EML1: variants seen among roughly 807,000 people sequenced by gnomAD.
EML1 encodes EMAP like 1.
EML1 carries 27 observed loss-of-function variants against 110.4 expected under a neutral mutation model. That is an observed-to-expected ratio of 0.24 (90% confidence interval 0.18 to 0.34). The LOEUF is 0.34. Among genes scored for constraint, EML1 ranks in the 10% least tolerant of loss-of-function variants. The pLI, the probability that EML1 is intolerant of heterozygous loss-of-function variation, is 1.00. For synonymous variants in EML1, 344 were observed against 385.8 expected, an observed-to-expected ratio of 0.89 and a Z score of 1.27; for missense variants, 741 against 1,030.9, an observed-to-expected ratio of 0.72 and a Z score of 3.85.
chr14:99,881,962 G>A (rs533416773), intron 4 of EML1, among the ~76,000 whole-genome samples: 2 of 152,230 alleles, frequency 1.3e-5, no homozygotes, highest in East Asian at 1.9e-4. Context: ...CTTTACAAAT[G>A]GTCACTGGAT....
rs1419055795 is a variant in EML1 at position 99,857,877 on chromosome 14, C to T, written c.250+6842C>T. Among the ~76,000 whole-genome samples the T allele has an allele frequency of 1.3e-5, 2 of 152,106 alleles. 1 individual carries two copies. Among genetic ancestry groups the T allele is most frequent in the Non-Finnish European group, 2.9e-5 (2 of 68,008 alleles). On this transcript the variant is annotated intron_variant, in intron 2 of 21. Coordinates refer to ENST00000262233, the MANE Select transcript of EML1 (RefSeq NM_004434.3). ...ATCAGTTCATTAATGTCTTTTTCCC[C>T]ATTTATATTTCTATTATATTGAATT...
chr14:99,846,184 T>C (rs1231406318), intron 1 of EML1, among the ~76,000 whole-genome samples: 1 of 152,078 alleles, frequency 6.6e-6, no homozygotes, highest in Non-Finnish European at 1.5e-5. Flanking sequence ...CCACTTATTA[T>C]TATCTAAATA....
chr14:99,838,430 G>A (rs2058574798), intron 1 of EML1, among the ~76,000 whole-genome samples: 1 of 152,224 alleles, frequency 6.6e-6, no homozygotes, highest in African/African-American at 2.4e-5. Context: ...TGTGACAGAT[G>A]TAACAAGTGA....
At chr14:99,790,330 C>T (rs1406317407), upstream of EML1, among the ~76,000 whole-genome samples, 3 of 151,984 alleles carry the variant, frequency 2.0e-5, no homozygotes, top group Non-Finnish European at 1.5e-5. Flanking sequence ...TTTTTAAGAT[C>T]GGGTCTCACT....
intron 2 of EML1, among the ~76,000 whole-genome samples, chr14:99,854,536 C>A (rs558462676): frequency 6.6e-6 from 1 of 152,268 alleles, no homozygotes; most frequent in African/African-American, 2.4e-5. Context: ...ACCAGTTACC[C>A]AGGTCTTCTT....
At chr14:99,754,987 C>A (rs11625037) in intron 1 of EML1, among the ~76,000 whole-genome samples, 1 of 152,184 alleles carries the variant, frequency 6.6e-6, no homozygotes, top group Non-Finnish European at 1.5e-5. Flanking sequence ...GCTGTAATCC[C>A]GCTAATGGTT....
At chr14:99,870,038 A>C (rs2059169585) in intron 3 of EML1, among the ~76,000 whole-genome samples, 1 of 152,250 alleles carries the variant, frequency 6.6e-6, no homozygotes, top group Non-Finnish European at 1.5e-5. Flanking sequence ...AAACGGACTC[A>C]TGCAGGCCTG....
chr14:99,917,439 G>A (rs924774172), intron 15 of EML1, among the ~76,000 whole-genome samples: 1 of 152,086 alleles, frequency 6.6e-6, no homozygotes, highest in African/African-American at 2.4e-5. Flanking sequence ...GCCAGGTGTG[G>A]TGACACACAC....
chr14:99,837,834 C>G (rs745965517), intron 1 of EML1, among the ~76,000 whole-genome samples: 1 of 152,192 alleles, frequency 6.6e-6, no homozygotes, highest in African/African-American at 2.4e-5. Context: ...GAGGCTTACT[C>G]TGTCCCCCAG....
chr14:99,908,079 G>A (rs149412479), intron 10 of EML1, among the ~76,000 whole-genome samples: 9 of 152,356 alleles, frequency 5.9e-5, no homozygotes, highest in Admixed American at 2.6e-4. Flanking sequence ...GTGGAGGCCC[G>A]GAAATGTGCT....
chr14:99,886,460 G>A (rs191698873), intron 4 of EML1, among the ~76,000 whole-genome samples: 48 of 152,326 alleles, frequency 3.2e-4, no homozygotes, highest in African/African-American at 8.7e-4. Context: ...CAGCCTGCGC[G>A]ACAGAGCCAG....
intron 1 of EML1, among the ~76,000 whole-genome samples, chr14:99,749,341 C>T (rs1372838871): frequency 6.6e-6 from 1 of 152,176 alleles, no homozygotes; most frequent in African/African-American, 2.4e-5. Context: ...TTCTCGCCCC[C>T]CCAGCCATCC....
chr14:99,760,031 C>T (rs1367769338), intron 1 of EML1, among the ~76,000 whole-genome samples: 4 of 124,856 alleles, frequency 3.2e-5, no homozygotes, highest in East Asian at 2.7e-4. Flanking sequence ...CGCTTGAACC[C>T]GGGAGGCGGA....
chr14:99,895,644 C>T (rs1465696178), intron 6 of EML1, among the ~76,000 whole-genome samples: 1 of 152,048 alleles, frequency 6.6e-6, no homozygotes, highest in African/African-American at 2.4e-5. Flanking sequence ...AGGAGCCAAA[C>T]TTCAAGTGTG....
chr14:99,815,086 A>G (rs1231177982), intron 1 of EML1, among the ~76,000 whole-genome samples: 1 of 149,490 alleles, frequency 6.7e-6, no homozygotes, highest in Non-Finnish European at 1.5e-5. Context: ...TCATTTTGAT[A>G]TCTGCGAGCT....
intron 2 of EML1, among the ~76,000 whole-genome samples, chr14:99,862,014 T>A (rs1020119055): frequency 9.2e-5 from 14 of 152,190 alleles, no homozygotes; most frequent in Admixed American, 7.9e-4. Context: ...CCCTTTTGGT[T>A]CCAGGTTCCC....
At chr14:99,776,191 T>C (rs1202468855) in intron 1 of EML1, among the ~76,000 whole-genome samples, 1 of 152,114 alleles carries the variant, frequency 6.6e-6, no homozygotes, top group African/African-American at 2.4e-5. Context: ...TTGTTATAAA[T>C]GGAGGAAATA....
At chr14:99,791,757 T>C (rs117261924), upstream of EML1, among the ~76,000 whole-genome samples, 13 of 152,290 alleles carry the variant, frequency 8.5e-5, no homozygotes, top group African/African-American at 1.2e-4. Context: ...CTCTCAACAG[T>C]GGCCTGCCTG....
chr14:99,794,848 G>C (rs941985857), intron 1 of EML1, among the ~76,000 whole-genome samples: 1 of 152,274 alleles, frequency 6.6e-6, no homozygotes, highest in African/African-American at 2.4e-5. Context: ...TGGTATGCTG[G>C]TGGTCCCTGG....
Sources: allele counts gnomAD v4.1 joint callset (sites outside exome capture counted in the v4.1 genomes callset), GRCh38; gene constraint gnomAD v4.1.1; transcripts MANE v1.5; gene names NCBI Gene and HGNC (gene_info 2026-07-23, HGNC 2026-07-21).